LRP2BP: variants seen among roughly 807,000 people sequenced by gnomAD.
The protein encoded by LRP2BP is LRP2-binding protein.
Under a neutral mutation model 45.2 loss-of-function variants are expected in LRP2BP, and 38 were observed. The ratio of observed to expected loss-of-function variants is 0.84; its 90% CI spans 0.65 to 1.10. The LOEUF is 1.10. LRP2BP is among the 50% of genes least tolerant of loss of function. The pLI is 0.00. For synonymous variants in LRP2BP, 153 were observed against 153.9 expected, an observed-to-expected ratio of 0.99 and a Z score of 0.04; for missense variants, 385 against 418.9, an observed-to-expected ratio of 0.92 and a Z score of 0.71.
chr4:185,385,480 T>TC (rs1338254220), intron 1 of LRP2BP, among the ~76,000 whole-genome samples: 4 of 152,200 alleles, frequency 2.6e-5, no homozygotes, highest in African/African-American at 9.7e-5. Flanking sequence ...TTGACCTCTG[T>TC]CCTAGAGTAT....
Position 185,365,083 on chromosome 4 carries a change from A to T in LRP2BP, c.*2097T>A, listed in dbSNP as rs534046645. On this transcript the variant is annotated 3_prime_UTR_variant, in exon 9 of 9. Coordinates refer to ENST00000505916, the MANE Select transcript of LRP2BP (RefSeq NM_001377440.1). ...AAGTCTCAATGCACTCGAGTTACAGACTCACCGCAGTCTCAGGTCAAGGGG... is the reference window on the plus strand; with the variant it reads ...AAGTCTCAATGCACTCGAGTTACAGTCTCACCGCAGTCTCAGGTCAAGGGG... 1.3e-5 allele frequency: 2 copies of T among 152,060 alleles called. No homozygotes were observed. The highest frequency in any genetic ancestry group is 1.3e-4 in the Admixed American group (2 of 15,258). The allele number at this position is 152,060 out of a possible 1,614,324, so 9.4% of individuals were successfully genotyped here.
intron 1 of LRP2BP, among the ~76,000 whole-genome samples, chr4:185,379,408 A>G (rs2095448662): frequency 6.6e-6 from 1 of 152,218 alleles, no homozygotes; most frequent in Non-Finnish European, 1.5e-5. Flanking sequence ...TCAATATGCT[A>G]CTTATCCAAA....
At chr4:185,388,320 C>T (rs2095477602) in intron 1 of LRP2BP, among the ~76,000 whole-genome samples, 2 of 152,174 alleles carry the variant, frequency 1.3e-5, no homozygotes, top group African/African-American at 2.4e-5. Context: ...AACATCTCAT[C>T]CTTATTCCCA....
intron 1 of LRP2BP, among the ~76,000 whole-genome samples, chr4:185,380,092 C>T (rs573672999): frequency 2.6e-5 from 4 of 152,154 alleles, no homozygotes; most frequent in Non-Finnish European, 5.9e-5. Flanking sequence ...CAGTGTGCTG[C>T]GGTTACCGCA....
At chr4:185,367,988 G>C (rs925543726) in intron 8 of LRP2BP, among the ~76,000 whole-genome samples, 1 of 152,096 alleles carries the variant, frequency 6.6e-6, no homozygotes, top group African/African-American at 2.4e-5. Context: ...GACCATCCCG[G>C]CTAACACAGT....
In LRP2BP at chr4:185,371,353, C is replaced by A. The variant is rs576861416; in HGVS notation, c.804-539G>T. Among the ~76,000 whole-genome samples the A allele has an allele frequency of 7.2e-5, 11 of 152,090 alleles. No individual in the cohort carries two copies. The South Asian group carries it at 2.3e-3, about 32-fold the overall frequency. ...AGGAGATTGAGACCATCCTGGCTAACATGGTGAAACCCCGTCTCTACTAAA... is the reference window on the plus strand; with the variant it reads ...AGGAGATTGAGACCATCCTGGCTAAAATGGTGAAACCCCGTCTCTACTAAA... On this transcript the variant is annotated intron_variant, in intron 7 of 8. Coordinates refer to ENST00000505916, the MANE Select transcript of LRP2BP (RefSeq NM_001377440.1).
At chr4:185,371,015 C>G in intron 7 of LRP2BP, 1 of 522,728 alleles carries the variant, frequency 1.9e-6, no homozygotes, top group East Asian at 3.0e-5. Context: ...GGTGACTTCA[C>G]ATGTCTCTGT....
At chr4:185,381,983 T>G (rs2095457203) in intron 1 of LRP2BP, among the ~76,000 whole-genome samples, 2 of 152,186 alleles carry the variant, frequency 1.3e-5, no homozygotes, top group Admixed American at 1.3e-4. Context: ...TCCAAAACCT[T>G]TTCATCATCC....
intron 1 of LRP2BP, among the ~76,000 whole-genome samples, chr4:185,393,096 C>T (rs1280094086): frequency 2.0e-5 from 3 of 152,084 alleles, no homozygotes; most frequent in Non-Finnish European, 4.4e-5. Context: ...ACACACCTGG[C>T]TAATTTTTGT....
intron 1 of LRP2BP, among the ~76,000 whole-genome samples, chr4:185,388,193 T>A (rs2095477218): frequency 1.3e-5 from 2 of 152,252 alleles, no homozygotes; most frequent in Admixed American, 1.3e-4. Context: ...GCTTCTCACA[T>A]CCCACATGGT....
chr4:185,379,910 A>G (rs902682544), intron 1 of LRP2BP, among the ~76,000 whole-genome samples: 3 of 152,060 alleles, frequency 2.0e-5, no homozygotes, highest in African/African-American at 4.8e-5. Flanking sequence ...TGCAGCCTCA[A>G]CCTCTTGGGC....
In LRP2BP at chr4:185,395,098, T is replaced by TC. The variant is rs397824916; in HGVS notation, c.-342dup. The TC allele has an allele frequency of 2.0e-4, 194 of 985,022 alleles. No homozygotes were observed. The highest frequency in any genetic ancestry group is 2.2e-4 in the Non-Finnish European group (186 of 829,882). The allele number at this position is 985,022 out of a possible 1,614,324, so 61.0% of individuals were successfully genotyped here. On this transcript the variant is annotated 5_prime_UTR_variant, in exon 1 of 9. Transcript: ENST00000505916. The stretch of plus-strand genomic sequence containing the variant: ...ATCCAGCTGAGATACAACTTTTTTT[T>TC]CTGAAAACAATGTGAGCAATGGACA...
chr4:185,395,591 CTATAT>C lies in LRP2BP; in HGVS notation c.-839_-835del, dbSNP rs1239950893. 16 of 978,360 alleles carry C rather than the reference CTATAT, an allele frequency of 1.6e-5. No individual in the cohort carries two copies. In the African/African-American group the frequency reaches 2.8e-4, roughly 17 times the overall value. The allele number at this position is 978,360 out of a possible 1,614,324, so 60.6% of individuals were successfully genotyped here. ...AAAAATGTGGAATATAAGAACGATT[CTATAT>C]ATTTGAACACACATTTATATTCAAA... On this transcript the variant is annotated 5_prime_UTR_variant, in exon 1 of 9. It adds an upstream start codon to the 5' untranslated region. Transcript: ENST00000505916.
chr4:185,396,647 C>T (rs2126865722), upstream of LRP2BP: 1 of 494,280 alleles, frequency 2.0e-6, no homozygotes, highest in Non-Finnish European at 3.6e-6. Context: ...CTCGCGCGCC[C>T]GCCCCCTCCC....
rs1320308841 is a variant in LRP2BP, at chr4:185,365,222, GA to G, written c.*1957del. Reference sequence around the variant, plus strand: ...TAAATTCTGCATTGGATTTATAGAAGACATATAAGCATAGCATGTTACCATG... The same window carrying G: ...TAAATTCTGCATTGGATTTATAGAAGCATATAAGCATAGCATGTTACCATG... On this transcript the variant is annotated 3_prime_UTR_variant, in exon 9 of 9. Coordinates refer to ENST00000505916, the MANE Select transcript of LRP2BP (RefSeq NM_001377440.1). The G allele has an allele frequency of 6.6e-6, 1 of 152,124 alleles. No individual in the cohort carries two copies. Among genetic ancestry groups the G allele is most frequent in the Non-Finnish European group, 1.5e-5 (1 of 68,036 alleles). 9.4% of individuals were successfully genotyped at this position (152,124 alleles called of 1,614,324 possible).
Position 185,376,936 on chromosome 4 carries a change from G to A in LRP2BP, c.189C>T (p.Phe63=). The A allele has an allele frequency of 6.2e-7, 1 of 1,613,456 alleles. No homozygotes were observed. Among genetic ancestry groups the A allele is most frequent in the Non-Finnish European group, 8.5e-7 (1 of 1,179,404 alleles). The part of the protein sequence containing the change: ...RILKGDTLAY[F]LRGQLYFEEG... ...CTTCAAAATATAGTTGACCTCGTAGGAAATATGCCAGAGTGTCTCCTTTCA... is the reference window on the plus strand; with the variant it reads ...CTTCAAAATATAGTTGACCTCGTAGAAAATATGCCAGAGTGTCTCCTTTCA... Residue 63 remains phenylalanine, a synonymous_variant, in exon 3 of 9, where the codon TTC becomes TTT. Coordinates refer to ENST00000505916, the MANE Select transcript of LRP2BP (RefSeq NM_001377440.1).
intron 6 of LRP2BP, among the ~76,000 whole-genome samples, chr4:185,373,793 T>C (rs2095424124): frequency 1.3e-5 from 2 of 152,240 alleles, no homozygotes; most frequent in South Asian, 2.1e-4. Context: ...TAATTCTTGG[T>C]ATATTTTACT....
At chr4:185,393,800 A>T (rs1261718337) in intron 1 of LRP2BP, among the ~76,000 whole-genome samples, 2 of 152,160 alleles carry the variant, frequency 1.3e-5, no homozygotes, top group Non-Finnish European at 2.9e-5. Flanking sequence ...TGCTGGGATT[A>T]CAGACGTGAG....
At chr4:185,391,754 C>A (rs2095488950) in intron 1 of LRP2BP, among the ~76,000 whole-genome samples, 1 of 152,134 alleles carries the variant, frequency 6.6e-6, no homozygotes, top group African/African-American at 2.4e-5. Context: ...CCAGAATCAG[C>A]AATGTCTGCA....
Sources: gnomAD v4.1 joint callset for allele counts (sites outside exome capture counted in the v4.1 genomes callset) on GRCh38, gnomAD v4.1.1 for gene constraint, MANE v1.5 for transcripts, NCBI Gene and HGNC (gene_info 2026-07-23, HGNC 2026-07-21) for gene names.